The following TRPV1 variants were observed in gnomAD, a reference collection of about 807,000 sequenced individuals.
TRPV1 encodes the protein transient receptor potential cation channel subfamily V member 1.
TRPV1 carries 82 observed loss-of-function variants against 82.3 expected under a neutral mutation model. The observed-to-expected ratio is 1.00, with a 90% confidence interval of 0.83 to 1.20. The LOEUF is 1.20. TRPV1 is among the 50% of genes most tolerant of loss of function. TRPV1 has a pLI of 0.00. For synonymous variants in TRPV1, 515 were observed against 467.7 expected (o/e 1.10, Z -1.30); for missense variants, 1,067 against 1,096.8 (o/e 0.97, Z 0.38).
chr17:3,568,798 T>C (rs879924454), intron 16 of TRPV1, among the ~76,000 whole-genome samples: 1 of 151,760 alleles, frequency 6.6e-6, no homozygotes, highest in African/African-American at 2.4e-5. Flanking sequence ...TCCCAACACT[T>C]TGGGAGACCA....
Position 3,573,783 on chromosome 17 carries a change from A to C in TRPV1, c.1953T>G (p.Thr651=), listed in dbSNP as rs759613721. The change falls in exon 14 of 17, where the codon ACT becomes ACG. Residue 651 remains threonine (T), a synonymous_variant. Transcript: ENST00000572705. ...AGACAGCCTTGAAGTCATAGTTCTC[A>C]GTGAACTCCAGGTCGCCCATGCCGA... ...FTIGMGDLEF[T]ENYDFKAVFI... 8 of 1,613,802 alleles carry C rather than the reference A, an allele frequency of 5.0e-6. No homozygotes were observed. The African/African-American group carries it at 8.0e-5, about 16-fold the overall frequency.
chr17:3,588,073 C>A, intron 8 of TRPV1, 115 bp downstream of exon 8: 1 of 1,276,608 alleles, frequency 7.8e-7, no homozygotes, highest in Non-Finnish European at 1.1e-6. Flanking sequence ...GGCCTGGGCC[C>A]GGGCGCAGCA....
At chr17:3,568,151 T>A (rs943793861) in intron 16 of TRPV1, among the ~76,000 whole-genome samples, 4 of 151,636 alleles carry the variant, frequency 2.6e-5, no homozygotes, top group South Asian at 2.1e-4. Context: ...TGAAACCCCG[T>A]CTCTACTAAA....
intron 2 of TRPV1, among the ~76,000 whole-genome samples, chr17:3,597,327 G>C (rs1201092060): frequency 6.6e-6 from 1 of 152,190 alleles, no homozygotes; most frequent in Non-Finnish European, 1.5e-5. Flanking sequence ...TCAAACCTGT[G>C]GCTCCTGCCC....
chr17:3,581,016 CAA>C (rs557964098), intron 10 of TRPV1, among the ~76,000 whole-genome samples: 48 of 117,396 alleles, frequency 4.1e-4, no homozygotes, highest in Admixed American at 1.2e-3. Flanking sequence ...GACTCCATCT[CAA>C]AAAAAAAAAA....
chr17:3,596,913 C>A (rs1224349910), intron 2 of TRPV1: 1 of 152,350 alleles, frequency 6.6e-6, no homozygotes, highest in African/African-American at 2.4e-5. Flanking sequence ...AAGAAAGGGA[C>A]TCACCAGCTA....
intron 2 of TRPV1, among the ~76,000 whole-genome samples, chr17:3,601,288 C>T (rs540713116): frequency 6.6e-6 from 1 of 152,046 alleles, no homozygotes; most frequent in Admixed American, 6.6e-5. Context: ...TCCCACAACC[C>T]CTCACCTCCA....
chr17:3,570,536 C>A (rs2074838934), intron 16 of TRPV1, among the ~76,000 whole-genome samples: 1 of 152,102 alleles, frequency 6.6e-6, no homozygotes, highest in Non-Finnish European at 1.5e-5. Flanking sequence ...CAAAGTAATT[C>A]AAAAACAAAG....
At chr17:3,606,392 A>C (rs1319982514) in intron 2 of TRPV1, among the ~76,000 whole-genome samples, 1 of 152,152 alleles carries the variant, frequency 6.6e-6, no homozygotes, top group Admixed American at 6.5e-5. Flanking sequence ...CTTGTGGCAA[A>C]GGGAAGGGTG....
intron 2 of TRPV1, chr17:3,592,747 T>G: frequency 5.6e-6 from 1 of 177,818 alleles, no homozygotes; most frequent in Non-Finnish European, 1.2e-5. Context: ...GCTGCCTCCC[T>G]CCCCACACAG....
chr17:3,590,896 G>A (rs1307023547), intron 5 of TRPV1, 68 bp downstream of exon 5: 7 of 1,479,554 alleles, frequency 4.7e-6, no homozygotes, highest in Non-Finnish European at 6.3e-6. Context: ...GAGGCCCAGG[G>A]ACAACCATGC....
At chr17:3,577,341 C>T (rs370111156) in intron 12 of TRPV1, 149 bp from the exon 13 acceptor site, 101 of 930,198 alleles carry the variant, frequency 1.1e-4, no homozygotes, top group Non-Finnish European at 6.7e-5. Flanking sequence ...ATGAGGGAGT[C>T]ACCCACCCTT....
At position 3,588,204 on chromosome 17, in the gene TRPV1, C is replaced by T; in HGVS notation, c.1208G>A (p.Ser403Asn). The T allele has an allele frequency of 6.4e-7, 1 of 1,566,236 alleles. No homozygotes were observed. Among genetic ancestry groups the T allele is most frequent in the Non-Finnish European group, 8.7e-7 (1 of 1,155,868 alleles). The change falls in exon 8 of 17, where the codon AGC (serine) becomes AAC (asparagine). Residue 403 changes from serine to asparagine, a missense_variant. Ser to Asn is a conservative substitution (Grantham distance 46, BLOSUM62 1). Transcript: ENST00000572705. ...GCCACTCACAGGGGTCTCGCTGCTG[C>T]TGTAGGCGATCACCTCCAGCACCGA... ...KNSVLEVIAY[S>N]SSETPNRHDM...
At chr17:3,576,676 T>TATATATATAG (rs1172373076) in intron 13 of TRPV1, among the ~76,000 whole-genome samples, 4 of 55,212 alleles carry the variant, frequency 7.2e-5, no homozygotes, top group African/African-American at 9.6e-5. Context: ...AAAATATATA[T>TATATATATAG]ATATATATAT....
At position 3,589,795 on chromosome 17, in the gene TRPV1, G is replaced by A. The variant is rs1279698793; in HGVS notation, c.1044+12C>T. ...CCGCACCGCACCAGCCTGAGCCGAAGCCCCCTCTTACCCCGATCTTCCCGG... is the reference window on the plus strand; with the variant it reads ...CCGCACCGCACCAGCCTGAGCCGAAACCCCCTCTTACCCCGATCTTCCCGG... On this transcript the variant is annotated intron_variant, in intron 7 of 16. Transcript: ENST00000572705. 6.2e-7 allele frequency: 1 copy of A among 1,602,794 alleles called. No homozygotes were observed. Among genetic ancestry groups the A allele is most frequent in the Non-Finnish European group, 8.5e-7 (1 of 1,173,916 alleles).
chr17:3,583,487 A>G (rs1382381511), intron 9 of TRPV1, 57 bp from the exon 10 acceptor site: 38 of 1,374,930 alleles, frequency 2.8e-5, no homozygotes, highest in Non-Finnish European at 3.8e-5. Context: ...TTCAACAAAC[A>G]TGGACCAGGT....
chr17:3,590,961 C>T lies in TRPV1; in HGVS notation c.604+3G>A. 1 of 1,599,722 alleles carries T rather than the reference C, an allele frequency of 6.3e-7. No individual in the cohort carries two copies. The highest frequency in any genetic ancestry group is 8.5e-7 in the Non-Finnish European group (1 of 1,174,208). ...CCATGCCCGGCCCCGCCGCCCTCCT[C>T]ACCCTTGTAGTAGCTGTCCGTGTAG... On this transcript the variant is annotated splice_donor_region_variant and intron_variant, in intron 5 of 16. Coordinates refer to ENST00000572705, the MANE Select transcript of TRPV1 (RefSeq NM_080704.4).
chr17:3,595,189 G>A (rs770210355), intron 2 of TRPV1, among the ~76,000 whole-genome samples: 6 of 152,118 alleles, frequency 3.9e-5, no homozygotes, highest in Admixed American at 2.0e-4. Flanking sequence ...AAGCAGACAC[G>A]GTTCTCAGGA....
rs202091832 is a variant in TRPV1 at position 3,591,303 on chromosome 17, A to G, written c.335T>C (p.Leu112Pro). The change falls in exon 4 of 17, where the codon CTC (leucine) becomes CCC (proline). Residue 112 changes from leucine (L) to proline (P), a missense_variant. Physicochemically the swap from Leu to Pro is moderately conservative, Grantham distance 98. Coordinates refer to ENST00000572705, the MANE Select transcript of TRPV1 (RefSeq NM_080704.4). ...TTCAAAGATACTCCTGCGATCATAGAGCCTGAGGGTCTTCTCGGTGCTGGC... is the reference window on the plus strand; with the variant it reads ...TTCAAAGATACTCCTGCGATCATAGGGCCTGAGGGTCTTCTCGGTGCTGGC... ...VAASTEKTLR[L>P]YDRRSIFEAV... is the part of the protein sequence containing the mutation. The G allele has an allele frequency of 6.2e-7, 1 of 1,606,206 alleles. No individual in the cohort carries two copies. Among genetic ancestry groups the G allele is most frequent in the Non-Finnish European group, 8.5e-7 (1 of 1,177,758 alleles).
Sources: gnomAD v4.1 joint callset for allele counts (sites outside exome capture counted in the v4.1 genomes callset) on GRCh38, gnomAD v4.1.1 for gene constraint, MANE v1.5 for transcripts, NCBI Gene and HGNC (gene_info 2026-07-23, HGNC 2026-07-21) for gene names.